Variants in ADGB observed in about 807,000 individuals in gnomAD.
ADGB encodes androglobin, also known as calpain-7-like protein.
In ADGB, 172 loss-of-function variants were observed where a neutral mutation model predicts 210.5. That is an observed-to-expected ratio of 0.82 (90% CI 0.72 to 0.93). The LOEUF is 0.93. Among genes scored for constraint, ADGB ranks in the 40% least tolerant of loss-of-function variants. The pLI is 0.00. For missense variants in ADGB, 2,025 were observed against 1,964.8 expected (o/e 1.03, Z -0.58); for synonymous variants, 658 against 662.7 (o/e 0.99, Z 0.11).
At chr6:146,648,998 A>G (rs1280053134) in intron 3 of ADGB, among the ~76,000 whole-genome samples, 1 of 151,880 alleles carries the variant, frequency 6.6e-6, no homozygotes, top group Non-Finnish European at 1.5e-5. Context: ...CAGATATCCA[A>G]CAAGCATCCA....
At chr6:146,776,376 A>G (rs1777721631) in intron 29 of ADGB, among the ~76,000 whole-genome samples, 1 of 152,122 alleles carries the variant, frequency 6.6e-6, no homozygotes, top group African/African-American at 2.4e-5. Context: ...AGTATATATT[A>G]TTAGTTCAAC....
At chr6:146,711,372 A>T (rs1258582544) in intron 13 of ADGB, among the ~76,000 whole-genome samples, 3 of 150,562 alleles carry the variant, frequency 2.0e-5, no homozygotes, top group Non-Finnish European at 4.4e-5. Flanking sequence ...TTTTTTTTTT[A>T]AACCACCCCA....
intron 3 of ADGB, among the ~76,000 whole-genome samples, chr6:146,647,589 G>A (rs1033983459): frequency 1.3e-5 from 2 of 152,008 alleles, no homozygotes; most frequent in African/African-American, 2.4e-5. Flanking sequence ...TCAAGTTATA[G>A]TTTGGGAAAA....
chr6:146,781,892 CTG>C, intron 29 of ADGB, 126 bp from the exon 30 acceptor site: 3 of 633,050 alleles, frequency 4.7e-6, no homozygotes, highest in Non-Finnish European at 7.1e-6. Flanking sequence ...TTATAAAAAT[CTG>C]TGTGATTGAA....
In ADGB at chr6:146,741,285, T is replaced by G. The variant is rs753123120; in HGVS notation, c.3177+14T>G. 6.5e-7 allele frequency: 1 copy of G among 1,550,162 alleles called. No individual in the cohort carries two copies. On this transcript the variant is annotated intron_variant, in intron 25 of 35. Transcript: ENST00000397944. ...ACCAAGAATAAGGTAGGTATAAAAT[T>G]TATTCTCCACATATGATAGAATGGC...
intron 25 of ADGB, among the ~76,000 whole-genome samples, chr6:146,744,255 A>T (rs79598258): frequency 0.015 from 2,260 of 152,242 alleles, 54 homozygotes; most frequent in African/African-American, 0.052. Context: ...CGACTAGATA[A>T]TGTCTAAAAC....
rs1455391107 is a variant in ADGB, at chr6:146,801,191, C to T, written c.4546C>T (p.Pro1516Ser). The T allele has an allele frequency of 9.4e-6, 14 of 1,481,888 alleles. No individual in the cohort carries two copies. The highest frequency in any genetic ancestry group is 1.3e-5 in the Non-Finnish European group (14 of 1,113,916). The allele number at this position is 1,481,888 out of a possible 1,614,324, so 91.8% of individuals were successfully genotyped here. ...GTGTGTTTTTTTTAAAGAAACAGGA[C>T]CTCGTACACGATCTCCAACAATTTT... Reference protein sequence around the residue: ...STRKENIQTGPRTRSPTILET... With the variant: ...STRKENIQTGSRTRSPTILET... The change falls in exon 34 of 36, where the codon CCT (proline) becomes TCT (serine). Residue 1516 changes from proline to serine, a missense_variant. Transcript: ENST00000397944.
chr6:146,759,228 A>G (rs995429449), intron 27 of ADGB, among the ~76,000 whole-genome samples: 1 of 151,812 alleles, frequency 6.6e-6, no homozygotes, highest in Admixed American at 6.6e-5. Context: ...CTTCATTGCA[A>G]GGATGCAGAA....
In ADGB at chr6:146,657,073, A is replaced by C. The variant is rs150548386; in HGVS notation, c.612+93A>C. On this transcript the variant is annotated intron_variant, in intron 5 of 35. Coordinates refer to ENST00000397944, the MANE Select transcript of ADGB (RefSeq NM_024694.4). ...GGTGGCTCATGCCTGTAATCGCAGC[A>C]CTTTGGGAGGCAAAGGCCAAGGCAG... 2.6e-5 allele frequency: 31 copies of C among 1,189,856 alleles called. No homozygotes were observed. In the East Asian group the frequency reaches 7.8e-4, roughly 30 times the overall value. The allele number at this position is 1,189,856 out of a possible 1,614,324, so 73.7% of individuals were successfully genotyped here. A position where few individuals can be genotyped will look rare whatever the true frequency, so the allele number is the denominator to read the frequency against.
intron 28 of ADGB, among the ~76,000 whole-genome samples, chr6:146,768,311 G>A (rs1266670479): frequency 6.6e-6 from 1 of 152,160 alleles, no homozygotes; most frequent in Non-Finnish European, 1.5e-5. Context: ...GGGGAAAAAA[G>A]AGCAAAGTGT....
chr6:146,622,315 A>C (rs1259098848), intron 1 of ADGB, among the ~76,000 whole-genome samples: 6 of 152,114 alleles, frequency 3.9e-5, no homozygotes, highest in Admixed American at 2.0e-4. Context: ...ACAAAGCTGT[A>C]TATCAGTGTA....
chr6:146,722,635 C>T (rs2114573383), intron 17 of ADGB, among the ~76,000 whole-genome samples: 1 of 152,254 alleles, frequency 6.6e-6, no homozygotes, highest in South Asian at 2.1e-4. Flanking sequence ...TGTAGATGAC[C>T]TATTGCAAAC....
intron 27 of ADGB, among the ~76,000 whole-genome samples, chr6:146,761,186 C>G (rs1318635603): frequency 6.6e-6 from 1 of 151,766 alleles, no homozygotes; most frequent in Non-Finnish European, 1.5e-5. Context: ...TGAATATTTT[C>G]TTTCATGTTT....
At chr6:146,709,028 A>G (rs1406630717) in intron 13 of ADGB, among the ~76,000 whole-genome samples, 1 of 151,894 alleles carries the variant, frequency 6.6e-6, no homozygotes, top group African/African-American at 2.4e-5. Context: ...CATTTCATTC[A>G]TTGTAATGTT....
At chr6:146,693,890 C>G (rs1776369330) in intron 12 of ADGB, among the ~76,000 whole-genome samples, 1 of 152,078 alleles carries the variant, frequency 6.6e-6, no homozygotes, top group Admixed American at 6.6e-5. Flanking sequence ...CCTCCATGGC[C>G]CAATAACATG....
At chr6:146,740,796 AATT>A (rs144013842) in intron 24 of ADGB, among the ~76,000 whole-genome samples, 9,379 of 152,176 alleles carry the variant, frequency 0.062, 322 homozygotes, top group African/African-American at 0.092. Flanking sequence ...AATGTTTAGT[AATT>A]ATTAGAAGCT....
At position 146,803,274 on chromosome 6, in the gene ADGB, G is replaced by GA. The variant is rs955542354; in HGVS notation, c.4818+1270dup. On this transcript the variant is annotated intron_variant, in intron 35 of 35. Coordinates refer to ENST00000397944, the MANE Select transcript of ADGB (RefSeq NM_024694.4). ...TGTTTCATGGTCCTGAGAAACCTCA[G>GA]AAAAAAACCCACTATATTTTGATGA... The GA allele has an allele frequency of 1.1e-5, 17 of 1,604,008 alleles. No individual in the cohort carries two copies. The East Asian group carries it at 2.0e-4, about 19-fold the overall frequency.
At chr6:146,646,164 G>T (rs1775607849) in intron 3 of ADGB, among the ~76,000 whole-genome samples, 1 of 152,050 alleles carries the variant, frequency 6.6e-6, no homozygotes, top group African/African-American at 2.4e-5. Context: ...AGTAATTTGG[G>T]GTGGCCTTAG....
chr6:146,608,500 G>A (rs1443862638), intron 1 of ADGB, among the ~76,000 whole-genome samples: 1 of 152,086 alleles, frequency 6.6e-6, no homozygotes, highest in East Asian at 1.9e-4. Flanking sequence ...ACTTTTTGAT[G>A]TGGGCATTTA....
Sources: allele counts gnomAD v4.1 joint callset (sites outside exome capture counted in the v4.1 genomes callset), GRCh38; gene constraint gnomAD v4.1.1; transcripts MANE v1.5; gene names NCBI Gene and HGNC (gene_info 2026-07-23, HGNC 2026-07-21).